ACTR3: variants seen among roughly 807,000 people sequenced by gnomAD.
ACTR3 encodes actin related protein 3.
Under a neutral mutation model 56.8 loss-of-function variants are expected in ACTR3, and 12 were observed. The ratio of observed to expected loss-of-function variants is 0.21; its 90% CI spans 0.14 to 0.34. The LOEUF is 0.34. Ranked by LOEUF, ACTR3 falls within the 10% of genes least tolerant of loss-of-function variation. The pLI is 1.00. For missense variants in ACTR3, 282 were observed against 512.5 expected (o/e 0.55, Z 4.34); for synonymous variants, 162 against 167.4 (o/e 0.97, Z 0.25).
chr2:113,928,786 A>G (rs1679665227), intron 4 of ACTR3, among the ~76,000 whole-genome samples: 1 of 152,202 alleles, frequency 6.6e-6, no homozygotes, highest in East Asian at 1.9e-4. Context: ...TTTGTCAGTT[A>G]CATACATCTG....
intron 1 of ACTR3, among the ~76,000 whole-genome samples, chr2:113,896,938 G>A (rs1389264841): frequency 6.6e-6 from 1 of 152,166 alleles, no homozygotes; most frequent in Non-Finnish European, 1.5e-5. Flanking sequence ...CTAAAGGATT[G>A]GACTAGGAGC....
intron 4 of ACTR3, among the ~76,000 whole-genome samples, chr2:113,931,094 T>C (rs1241105987): frequency 6.6e-6 from 1 of 152,160 alleles, no homozygotes; most frequent in African/African-American, 2.4e-5. Context: ...TTTTTTAAAA[T>C]GTGAATTACC....
intron 3 of ACTR3, among the ~76,000 whole-genome samples, chr2:113,923,116 C>G (rs1352341795): frequency 6.6e-6 from 1 of 152,150 alleles, no homozygotes; most frequent in East Asian, 1.9e-4. Flanking sequence ...CAGAACAAAA[C>G]TTCTCTCAAT....
chr2:113,940,888 G>A lies in ACTR3; in HGVS notation c.684+786G>A, dbSNP rs867645706. Among the ~76,000 whole-genome samples, 3 of 148,502 alleles carry A rather than the reference G, an allele frequency of 2.0e-5. No individual in the cohort carries two copies. In the South Asian group the frequency reaches 6.3e-4, roughly 31 times the overall value. On this transcript the variant is annotated intron_variant, in intron 7 of 11. Coordinates refer to ENST00000263238, the MANE Select transcript of ACTR3 (RefSeq NM_005721.5). ...CAAGCTGGAGCGCAGTGGCACACTC[G>A]TGGCTCACTGCAGCCTCAAACTCCT...
In ACTR3 at chr2:113,955,655, C is replaced by T. The variant is rs1420002725; in HGVS notation, c.1110C>T (p.His370=). The T allele has an allele frequency of 3.1e-6, 5 of 1,613,518 alleles. No homozygotes were observed. Among genetic ancestry groups the T allele is most frequent in the South Asian group, 2.2e-5 (2 of 91,068 alleles). Residue 370 remains histidine, a synonymous_variant, in exon 11 of 12, where the codon CAC becomes CAT. Transcript: ENST00000263238. ...CTATTGATGTACAAGTCATTACACA[C>T]CACATGCAGCGATATGCAGTTTGGT... ...PKPIDVQVIT[H]HMQRYAVWFG...
chr2:113,927,476 T>G, intron 4 of ACTR3, 21 bp downstream of exon 4: 1 of 1,514,006 alleles, frequency 6.6e-7, no homozygotes, highest in Non-Finnish European at 9.0e-7. Context: ...AGTTATAATT[T>G]CACTGAGGAA....
chr2:113,947,523 G>T (rs559549924), intron 8 of ACTR3, among the ~76,000 whole-genome samples: 1 of 152,120 alleles, frequency 6.6e-6, no homozygotes, highest in East Asian at 1.9e-4. Flanking sequence ...GGCATGTGGC[G>T]TGTGCCTGTA....
intron 3 of ACTR3, among the ~76,000 whole-genome samples, chr2:113,925,937 C>T (rs72835479): frequency 0.49 from 74,990 of 151,982 alleles, 21,100 homozygotes; most frequent in Middle Eastern, 0.67. Flanking sequence ...TTCTCAGTGC[C>T]GTTAGGGTCT....
At chr2:113,926,621 A>T (rs1209872178) in intron 3 of ACTR3, among the ~76,000 whole-genome samples, 1 of 152,210 alleles carries the variant, frequency 6.6e-6, no homozygotes, top group Non-Finnish European at 1.5e-5. Flanking sequence ...AATACAAGGG[A>T]CAACTTCACT....
chr2:113,942,157 A>G (rs756481521), intron 7 of ACTR3, 29 bp from the exon 8 acceptor site: 14 of 1,536,202 alleles, frequency 9.1e-6, no homozygotes, highest in South Asian at 1.3e-5. Context: ...ATAAGCAAAA[A>G]AAGTTACTTT....
chr2:113,936,331 T>TG (rs1271114986), intron 6 of ACTR3, among the ~76,000 whole-genome samples: 13 of 136,166 alleles, frequency 9.5e-5, no homozygotes, highest in East Asian at 2.2e-4. Context: ...AAAAGGTTGG[T>TG]GGGGGGGTGC....
chr2:113,905,782 C>T (rs1008921212), intron 1 of ACTR3, among the ~76,000 whole-genome samples: 11 of 152,114 alleles, frequency 7.2e-5, no homozygotes, highest in African/African-American at 2.7e-4. Context: ...GTTTATTTTA[C>T]TTATAATGTA....
chr2:113,910,246 CCAAAGGA>C (rs1033629400), intron 1 of ACTR3, among the ~76,000 whole-genome samples: 1 of 150,770 alleles, frequency 6.6e-6, no homozygotes, highest in Non-Finnish European at 1.5e-5. Flanking sequence ...CTATAAAAAC[CCAAAGGA>C]CAGAGTTTGG....
intron 1 of ACTR3, among the ~76,000 whole-genome samples, chr2:113,895,409 A>G (rs559339203): frequency 6.6e-6 from 1 of 152,312 alleles, no homozygotes; most frequent in South Asian, 2.1e-4. Flanking sequence ...GGCTTGGTGC[A>G]TAGTAGGAAT....
chr2:113,947,916 C>T (rs1444984160), intron 8 of ACTR3, among the ~76,000 whole-genome samples: 1 of 151,802 alleles, frequency 6.6e-6, no homozygotes, highest in Non-Finnish European at 1.5e-5. Context: ...TTTAAAAAAC[C>T]TGTTTTGTTT....
chr2:113,895,587 G>T (rs1678991437), intron 1 of ACTR3, among the ~76,000 whole-genome samples: 1 of 152,166 alleles, frequency 6.6e-6, no homozygotes, highest in Non-Finnish European at 1.5e-5. Context: ...CCATTCAAGG[G>T]CTAACTTTGC....
intron 1 of ACTR3, among the ~76,000 whole-genome samples, chr2:113,908,548 A>C (rs1352264377): frequency 6.6e-6 from 1 of 151,814 alleles, no homozygotes; most frequent in Admixed American, 6.6e-5. Context: ...AATGTTTCTC[A>C]TCTCACATAT....
rs374572880 is a variant in ACTR3 at position 113,931,418 on chromosome 2, A to G, written c.432+22A>G. On this transcript the variant is annotated intron_variant, in intron 5 of 11. Transcript: ENST00000263238. ...GCAGGTAAGCAAGTTCATACTTTCT[A>G]AGTTTGATTCTTACATTTTAACCTA... is the stretch of plus-strand genomic sequence containing the variant. 9 of 1,487,670 alleles carry G rather than the reference A, an allele frequency of 6.0e-6. No individual in the cohort carries two copies. The Admixed American group carries it at 6.8e-5, about 11-fold the overall frequency. 92.2% of individuals were successfully genotyped at this position (1,487,670 alleles called of 1,614,324 possible). A position where few individuals can be genotyped will look rare whatever the true frequency, so the allele number is the denominator to read the frequency against.
intron 4 of ACTR3, among the ~76,000 whole-genome samples, chr2:113,928,513 GGGTTT>G (rs140297576): frequency 0.026 from 4,025 of 152,230 alleles, 142 homozygotes; most frequent in African/African-American, 0.076. Context: ...ATTTTGACCA[GGGTTT>G]GGCAAACTTT....
Sources: gnomAD v4.1 joint callset for allele counts (sites outside exome capture counted in the v4.1 genomes callset) on GRCh38, gnomAD v4.1.1 for gene constraint, MANE v1.5 for transcripts, NCBI Gene and HGNC (gene_info 2026-07-23, HGNC 2026-07-21) for gene names.